CFAP92: variants seen among roughly 807,000 people sequenced by gnomAD.
CFAP92 encodes uncharacterized protein CFAP92.
In CFAP92, 86 loss-of-function variants were observed where a neutral mutation model predicts 106.3. That is an observed-to-expected ratio of 0.81 (90% CI 0.68 to 0.97). The LOEUF (loss-of-function observed/expected upper bound fraction) is 0.97. Ranked by LOEUF, CFAP92 falls within the 50% of genes least tolerant of loss-of-function variation. The pLI is 0.00. For missense variants in CFAP92, 1,204 were observed against 1,283.8 expected, an observed-to-expected ratio of 0.94 and a Z score of 0.95; for synonymous variants, 477 against 506.4, an observed-to-expected ratio of 0.94 and a Z score of 0.78.
At chr3:128,927,319 G>GAAAA (rs1318112493) in intron 12 of CFAP92, among the ~76,000 whole-genome samples, 3 of 91,772 alleles carry the variant, frequency 3.3e-5, no homozygotes, top group African/African-American at 1.1e-4. Context: ...CCAGGCAGAA[G>GAAAA]GAAAGGAAGG....
intron 10 of CFAP92, 98 bp from the exon 11 acceptor site, chr3:128,935,417 A>G (rs1490382878): frequency 1.3e-6 from 1 of 797,670 alleles, no homozygotes; most frequent in East Asian, 2.8e-5. Flanking sequence ...TGTTATTTAA[A>G]AACAAACCCA....
chr3:128,960,044 T>C (rs1042573957), intron 9 of CFAP92, among the ~76,000 whole-genome samples: 2 of 152,214 alleles, frequency 1.3e-5, no homozygotes, highest in African/African-American at 4.8e-5. Flanking sequence ...CTCTTGAGAA[T>C]GTATTTTGTG....
At chr3:128,981,229 G>C (rs905732408) in intron 4 of CFAP92, among the ~76,000 whole-genome samples, 35 of 151,706 alleles carry the variant, frequency 2.3e-4, no homozygotes, top group Non-Finnish European at 4.1e-4. Context: ...GTAGAGACAG[G>C]GTTTCACCAC....
At chr3:129,025,124 C>G in the CFAP92 span, among the ~76,000 whole-genome samples, 2 of 152,172 alleles carry the variant, frequency 1.3e-5, no homozygotes, top group African/African-American at 4.8e-5. Context: ...TTGTCAGGAA[C>G]TGGATCTGAG....
Position 128,965,681 on chromosome 3 carries a change from C to T in CFAP92, c.1183G>A (p.Val395Met), listed in dbSNP as rs750217492. ...MPLLAGWQTV[V>M]SRGSEKSANI... is the part of the protein sequence containing the mutation. The stretch of plus-strand genomic sequence containing the variant: ...GCAGACTTCTCACTGCCACGACTCA[C>T]GACAGTTTGCCATCCTGGGGGAAAT... The change falls in exon 9 of 16, where the codon GTG (valine) becomes ATG (methionine). Residue 395 changes from valine (V) to methionine (M), a missense_variant. Val to Met is a conservative substitution (Grantham distance 21). Transcript: ENST00000645291. 9 of 398,718 alleles carry T rather than the reference C, an allele frequency of 2.3e-5. No individual in the cohort carries two copies. Among genetic ancestry groups the T allele is most frequent in the South Asian group, 1.3e-4 (1 of 7,830 alleles). The allele number at this position is 398,718 out of a possible 1,614,324, so 24.7% of individuals were successfully genotyped here.
the CFAP92 span, among the ~76,000 whole-genome samples, chr3:129,010,661 C>A: frequency 6.9e-6 from 1 of 145,012 alleles, no homozygotes; most frequent in Non-Finnish European, 1.5e-5. This position sits in a 1 kb window ranked among gnomAD's most constrained non-coding sequence, Gnocchi z 4.3. Flanking sequence ...CCAAACTCAG[C>A]GGGTCCAGGG....
the CFAP92 span, among the ~76,000 whole-genome samples, chr3:129,015,126 C>T: frequency 2.6e-5 from 4 of 152,194 alleles, no homozygotes; most frequent in African/African-American, 9.7e-5. Flanking sequence ...TCTCCTGTGA[C>T]CTCCTCTGGT....
chr3:128,912,618 A>G (rs753666129), intron 15 of CFAP92: 2 of 1,610,908 alleles, frequency 1.2e-6, no homozygotes, highest in African/African-American at 1.3e-5. Flanking sequence ...GGCAGGGGAC[A>G]GTGTCCCCTG....
chr3:128,920,690 A>T (rs1055175384), intron 12 of CFAP92, among the ~76,000 whole-genome samples: 1 of 152,080 alleles, frequency 6.6e-6, no homozygotes, highest in Non-Finnish European at 1.5e-5. Flanking sequence ...TGGCCTTTGG[A>T]ACACCAAGCT....
chr3:128,910,784 A>ATCTC (rs1434336694), intron 15 of CFAP92: 1 of 1,614,096 alleles, frequency 6.2e-7, no homozygotes, highest in South Asian at 1.1e-5. Flanking sequence ...TACTTGCAGA[A>ATCTC]TCTCTTCAGC....
At chr3:128,917,308 C>T (rs1006887692) in intron 12 of CFAP92, among the ~76,000 whole-genome samples, 5 of 152,136 alleles carry the variant, frequency 3.3e-5, no homozygotes, top group Admixed American at 2.0e-4. Context: ...CCTAGAAGTC[C>T]CCTGCTCCTT....
chr3:128,993,977 T>G lies in CFAP92; in HGVS notation c.-33+3A>C, dbSNP rs1944377009. ...GGGGTTCCCCTCCAGGTGCTGGCGG[T>G]ACCTGCGAGCGGATGCGCTGGGCGG... On this transcript the variant is annotated splice_donor_region_variant and intron_variant, in intron 1 of 15. Transcript: ENST00000645291. 2.0e-6 allele frequency: 2 copies of G among 987,304 alleles called. No homozygotes were observed. The highest frequency in any genetic ancestry group is 1.2e-6 in the Non-Finnish European group (1 of 831,032). 61.2% of individuals were successfully genotyped at this position (987,304 alleles called of 1,614,324 possible).
At chr3:128,965,379 C>T in intron 9 of CFAP92, 132 bp downstream of exon 9, 2 of 396,812 alleles carry the variant, frequency 5.0e-6, no homozygotes, top group Non-Finnish European at 8.9e-6. Context: ...TTGGTAGTCT[C>T]TTCACACGGA....
intron 9 of CFAP92, among the ~76,000 whole-genome samples, chr3:128,965,189 A>G (rs2107768380): frequency 6.6e-6 from 1 of 152,198 alleles, no homozygotes; most frequent in South Asian, 2.1e-4. Flanking sequence ...TTGAGAATGT[A>G]CTTTGTGAGA....
At chr3:128,985,800 A>G (rs933997660) in intron 4 of CFAP92, among the ~76,000 whole-genome samples, 5 of 152,220 alleles carry the variant, frequency 3.3e-5, no homozygotes, top group Admixed American at 1.3e-4. Flanking sequence ...TCACACTGGA[A>G]GCCTACGACT....
rs1323945271 is a variant in CFAP92 at position 128,935,110 on chromosome 3, G to A, written c.2453+15C>T. 2.7e-6 allele frequency: 4 copies of A among 1,504,170 alleles called. No homozygotes were observed. The highest frequency in any genetic ancestry group is 3.5e-6 in the Non-Finnish European group (4 of 1,127,658). The allele number at this position is 1,504,170 out of a possible 1,614,324, so 93.2% of individuals were successfully genotyped here. ...CGCCGGGGCGCAGGACCACATGCGAGCTGCCACTGCCCACCTGGCTAGAGC... is the reference window on the plus strand; with the variant it reads ...CGCCGGGGCGCAGGACCACATGCGAACTGCCACTGCCCACCTGGCTAGAGC... On this transcript the variant is annotated intron_variant, in intron 11 of 15. Coordinates refer to ENST00000645291, the MANE Select transcript of CFAP92 (RefSeq NM_001394090.1).
chr3:129,023,565 C>T, the CFAP92 span, among the ~76,000 whole-genome samples: 1 of 152,164 alleles, frequency 6.6e-6, no homozygotes, highest in East Asian at 1.9e-4. Flanking sequence ...ACCTCCTGAC[C>T]TCATGATCCA....
intron 12 of CFAP92, among the ~76,000 whole-genome samples, chr3:128,926,614 G>T (rs897045944): frequency 6.6e-6 from 1 of 152,178 alleles, no homozygotes; most frequent in Non-Finnish European, 1.5e-5. Context: ...AAGGGAGAAA[G>T]GGAAGGACAG....
intron 9 of CFAP92, among the ~76,000 whole-genome samples, chr3:128,950,067 T>TA (rs1940629797): frequency 6.6e-6 from 1 of 151,402 alleles, no homozygotes; most frequent in South Asian, 2.1e-4. Flanking sequence ...AATTTGTTTT[T>TA]TAAAAAAAAT....
Sources: allele counts gnomAD v4.1 joint callset (sites outside exome capture counted in the v4.1 genomes callset), GRCh38; gene constraint gnomAD v4.1.1; non-coding constraint Gnocchi (gnomAD v3.1); transcripts MANE v1.5; gene names NCBI Gene and HGNC (gene_info 2026-07-23, HGNC 2026-07-21).